The following FLT4 variants were observed in gnomAD, a reference collection of about 807,000 sequenced individuals.
The protein encoded by FLT4 is fms related receptor tyrosine kinase 4.
Under a neutral mutation model 163.2 loss-of-function variants are expected in FLT4, and 30 were observed. The observed-to-expected ratio is 0.18, with a 90% confidence interval of 0.14 to 0.25. The LOEUF is 0.25. Among genes scored for constraint, FLT4 ranks in the 10% least tolerant of loss-of-function variants. The pLI, the probability that FLT4 is intolerant of heterozygous loss-of-function variation, is 1.00. For synonymous variants in FLT4, 884 were observed against 789.5 expected, an observed-to-expected ratio of 1.12 and a Z score of -2.01; for missense variants, 1,510 against 1,863.8, an observed-to-expected ratio of 0.81 and a Z score of 3.50.
chr5:180,602,778 C>A lies in FLT4; in HGVS notation c.*414G>T. The A allele has an allele frequency of 2.0e-6, 1 of 491,158 alleles. No individual in the cohort carries two copies. The highest frequency in any genetic ancestry group is 4.7e-5 in the South Asian group (1 of 21,446). 30.4% of individuals were successfully genotyped at this position (491,158 alleles called of 1,614,324 possible). A position where few individuals can be genotyped will look rare whatever the true frequency, so the allele number is the denominator to read the frequency against. The stretch of plus-strand genomic sequence containing the variant: ...AAAGGGCGTTTGGGAGACCTCTGCT[C>A]TCGTATGCCTTAACCTCCAACACTG... On this transcript the variant is annotated 3_prime_UTR_variant, in exon 30 of 30. Transcript: ENST00000261937.
chr5:180,638,325 G>T (rs1281141857), intron 1 of FLT4, among the ~76,000 whole-genome samples: 1 of 152,078 alleles, frequency 6.6e-6, no homozygotes, highest in Non-Finnish European at 1.5e-5. Flanking sequence ...CTCCTCCCTC[G>T]ATAGCTCCCT....
intron 1 of FLT4, among the ~76,000 whole-genome samples, chr5:180,643,535 C>A (rs1015735550): frequency 1.3e-5 from 2 of 152,330 alleles, no homozygotes; most frequent in Admixed American, 6.5e-5. Flanking sequence ...CCAGTCCTTG[C>A]TCAGGGGTCA....
intron 1 of FLT4, among the ~76,000 whole-genome samples, chr5:180,645,745 C>T (rs1765461298): frequency 6.6e-6 from 1 of 152,216 alleles, no homozygotes; most frequent in African/African-American, 2.4e-5. Context: ...CATCTTCCTG[C>T]TCCCAGACCT....
chr5:180,630,497 G>T lies in FLT4; in HGVS notation c.400+58C>A. On this transcript the variant is annotated intron_variant, in intron 3 of 29. Coordinates refer to ENST00000261937, the MANE Select transcript of FLT4 (RefSeq NM_182925.5). This position sits in a 1 kb window ranked among gnomAD's most constrained non-coding sequence, Gnocchi z 6.3. The stretch of plus-strand genomic sequence containing the variant: ...AGCCCAGGGTCCACAGGCTGGGGGC[G>T]GTGTGGGCCCCAGCTGCCCGGGACC... 6.2e-7 allele frequency: 1 copy of T among 1,605,820 alleles called. No homozygotes were observed. Among genetic ancestry groups the T allele is most frequent in the South Asian group, 1.1e-5 (1 of 90,602 alleles).
At position 180,611,363 on chromosome 5, in the gene FLT4, C is replaced by A; in HGVS notation, c.3654G>T (p.Pro1218=). The change falls in exon 27 of 30, where the codon CCG becomes CCT. Residue 1218 remains proline, a synonymous_variant. Coordinates refer to ENST00000261937, the MANE Select transcript of FLT4 (RefSeq NM_182925.5). ...HIAQADAEDS[P]PSLQRHSLAA... is the part of the protein sequence containing the mutation. ...CCAGGCTGTGGCGCTGCAGGCTTGG[C>A]GGGCTGTCCTCAGCGTCAGCCTGGG... 1 of 1,613,792 alleles carries A rather than the reference C, an allele frequency of 6.2e-7. No homozygotes were observed. The highest frequency in any genetic ancestry group is 1.7e-5 in the Admixed American group (1 of 60,024).
At chr5:180,625,319 C>T (rs1763517076) in intron 10 of FLT4, among the ~76,000 whole-genome samples, 1 of 152,232 alleles carries the variant, frequency 6.6e-6, no homozygotes, top group African/African-American at 2.4e-5. Flanking sequence ...CACGGCTCAG[C>T]AGGTGGCTGG....
intron 10 of FLT4, 123 bp from the exon 11 acceptor site, chr5:180,624,184 G>A: frequency 4.5e-6 from 5 of 1,123,286 alleles, no homozygotes; most frequent in Non-Finnish European, 6.5e-6. Flanking sequence ...GGGCGAGGCT[G>A]GCCCTCGGGC....
chr5:180,622,031 T>C (rs972381721), intron 12 of FLT4, 127 bp from the exon 13 acceptor site: 5 of 1,115,728 alleles, frequency 4.5e-6, no homozygotes, highest in African/African-American at 1.6e-5. Flanking sequence ...GCTGGACTGC[T>C]TGCCCCCCGC....
intron 26 of FLT4, 196 bp from the exon 27 acceptor site, chr5:180,611,675 A>T: frequency 1.7e-6 from 1 of 591,754 alleles, no homozygotes; most frequent in Non-Finnish European, 3.0e-6. Flanking sequence ...TGGGCTCCTG[A>T]CCCCTGAGAT....
At position 180,603,376 on chromosome 5, in the gene FLT4, C is replaced by G. The variant is rs146806202; in HGVS notation, c.3908G>C (p.Gly1303Ala). The change falls in exon 30 of 30, where the codon GGC becomes GCC. Residue 1303 changes from glycine (G) to alanine (A), a missense_variant. By Grantham distance (60) the Gly-to-Ala change is moderately conservative (BLOSUM62 0). Around this residue, in one of 5 missense-constraint regions of FLT4, gnomAD observed 295 missense variants for 311.0 expected, o/e 0.95. Transcript: ENST00000261937. ...QESGFSCKGP[G>A]QNVAVTRAHP... ...TGCCCTGGTCACAGCCACATTCTGGCCAGGTCCTTTACAGCTGCCAAGACA... is the reference window on the plus strand; with the variant it reads ...TGCCCTGGTCACAGCCACATTCTGGGCAGGTCCTTTACAGCTGCCAAGACA... The G allele has an allele frequency of 3.0e-3, 4,867 of 1,613,944 alleles. 22 individuals are homozygous for G. Among genetic ancestry groups the G allele is most frequent in the Middle Eastern group, 0.014 (85 of 6,050 alleles).
At chr5:180,629,580 C>T (rs958101116) in intron 6 of FLT4, 116 bp downstream of exon 6, 35 of 1,466,576 alleles carry the variant, frequency 2.4e-5, no homozygotes, top group Admixed American at 7.6e-5. Flanking sequence ...CCACTCAGAC[C>T]GGGGCCCCTG....
In FLT4 at chr5:180,601,639, A is replaced by G. The variant is rs893882388; in HGVS notation, c.*1553T>C. The G allele has an allele frequency of 3.0e-5, 7 of 233,094 alleles. No individual in the cohort carries two copies. The highest frequency in any genetic ancestry group is 2.3e-4 in the Admixed American group (4 of 17,760). The allele number at this position is 233,094 out of a possible 1,614,324, so 14.4% of individuals were successfully genotyped here. Reference sequence around the variant, plus strand: ...GTACATGCGTGGGTGGGTAGTGAGGAGAAGGGAGCAGAGGTGCGCGCCAGG... The same window carrying G: ...GTACATGCGTGGGTGGGTAGTGAGGGGAAGGGAGCAGAGGTGCGCGCCAGG... On this transcript the variant is annotated 3_prime_UTR_variant, in exon 30 of 30. Transcript: ENST00000261937.
At chr5:180,611,585 CCTCAGCCCTCGCCCCCGCA>C (rs1561696649) in intron 26 of FLT4, 106 bp from the exon 27 acceptor site, 11 of 1,244,142 alleles carry the variant, frequency 8.8e-6, no homozygotes, top group South Asian at 1.3e-5. Flanking sequence ...TCACCCCCGC[CCTCAGCCCTCGCCCCCGCA>C]CTCAGCTCTC....
chr5:180,611,398 G>T lies in FLT4; in HGVS notation c.3619C>A (p.Leu1207Ile). Residue 1207 changes from leucine to isoleucine, a missense_variant, in exon 27 of 30, where the codon CTA becomes ATA. Transcript: ENST00000261937. The part of the protein sequence containing the change: ...GSFSQVSTMA[L>I]HIAQADAEDS... ...TCAGCGTCAGCCTGGGCGATGTGTA[G>T]GGCCATGGTGGACACCTGCGAGAAG... The T allele has an allele frequency of 6.2e-7, 1 of 1,614,088 alleles. No homozygotes were observed. Among genetic ancestry groups the T allele is most frequent in the Non-Finnish European group, 8.5e-7 (1 of 1,180,008 alleles).
At chr5:180,640,233 GC>G (rs1765004578) in intron 1 of FLT4, among the ~76,000 whole-genome samples, 1 of 152,202 alleles carries the variant, frequency 6.6e-6, no homozygotes, top group African/African-American at 2.4e-5. Context: ...GGCTGCGACT[GC>G]CTCATTTGAT....
chr5:180,608,292 G>A, intron 29 of FLT4: 1 of 700,812 alleles, frequency 1.4e-6, no homozygotes, highest in Non-Finnish European at 2.6e-6. Context: ...TACCTAAGAG[G>A]GAAGGGCCCC....
chr5:180,622,592 A>G, intron 12 of FLT4, 139 bp downstream of exon 12: 1 of 691,484 alleles, frequency 1.4e-6, no homozygotes, highest in East Asian at 2.7e-5. Context: ...TGACCCTTAA[A>G]TCTATTTTTC....
intron 1 of FLT4, among the ~76,000 whole-genome samples, chr5:180,641,455 G>T (rs1282779580): frequency 1.3e-5 from 2 of 152,228 alleles, no homozygotes; most frequent in African/African-American, 4.8e-5. Flanking sequence ...TGGCAGGCCT[G>T]CCAGCTGGAC....
chr5:180,629,350 G>A lies in FLT4; in HGVS notation c.894C>T (p.His298=), dbSNP rs2127834406. 1 of 1,613,160 alleles carries A rather than the reference G, an allele frequency of 6.2e-7. No individual in the cohort carries two copies. The highest frequency in any genetic ancestry group is 1.7e-5 in the Admixed American group (1 of 60,034). The change falls in exon 7 of 30, where the codon CAC becomes CAT. Residue 298 remains histidine, a synonymous_variant. Coordinates refer to ENST00000261937, the MANE Select transcript of FLT4 (RefSeq NM_182925.5). ...AGCCCAGGTCGTGCTGGCTGACGTT[G>A]TGGATGGTCAGGATGCTGGAGAGTT... ...HTELSSILTI[H]NVSQHDLGSY...
Sources: gnomAD v4.1 joint callset for allele counts (sites outside exome capture counted in the v4.1 genomes callset) on GRCh38, gnomAD v4.1.1 for gene constraint, gnomAD v4.1.1 regional missense constraint, Gnocchi (gnomAD v3.1) non-coding constraint, MANE v1.5 for transcripts, NCBI Gene and HGNC (gene_info 2026-07-23, HGNC 2026-07-21) for gene names.